MEGF6: variants seen among roughly 807,000 people sequenced by gnomAD.
The protein encoded by MEGF6 is multiple epidermal growth factor-like domains protein 6.
Under a neutral mutation model 207.1 loss-of-function variants are expected in MEGF6, and 184 were observed. That is an observed-to-expected ratio of 0.89 (90% CI 0.79 to 1.00). MEGF6 has a LOEUF of 1.00. Among genes scored for constraint, MEGF6 ranks in the 50% least tolerant of loss-of-function variants. MEGF6 has a pLI of 0.00. For missense variants in MEGF6, 2,282 were observed against 2,202.9 expected (o/e 1.04, Z -0.72); for synonymous variants, 1,038 against 910.0 (o/e 1.14, Z -2.53).
intron 4 of MEGF6, among the ~76,000 whole-genome samples, chr1:3,540,211 C>T (rs1208253184): frequency 2.0e-5 from 3 of 152,224 alleles, no homozygotes; most frequent in East Asian, 3.8e-4. Context: ...TAACTGAGAA[C>T]GTGCCTGCCA....
chr1:3,545,850 G>A (rs1272128059), intron 4 of MEGF6, among the ~76,000 whole-genome samples: 2 of 152,230 alleles, frequency 1.3e-5, no homozygotes, highest in Non-Finnish European at 2.9e-5. Flanking sequence ...AGCACAGGCT[G>A]GAGAGGAGCA....
At chr1:3,538,256 G>T (rs902317204) in intron 4 of MEGF6, among the ~76,000 whole-genome samples, 1 of 152,120 alleles carries the variant, frequency 6.6e-6, no homozygotes, top group Non-Finnish European at 1.5e-5. Context: ...AGAGCAGACC[G>T]GCCTCCCCAG....
chr1:3,557,859 G>A (rs74048612), intron 4 of MEGF6, among the ~76,000 whole-genome samples: 1,740 of 152,334 alleles, frequency 0.011, 27 homozygotes, highest in African/African-American at 0.039. Flanking sequence ...ATGAGGCGCC[G>A]TCCGGGTGGG....
intron 3 of MEGF6, among the ~76,000 whole-genome samples, chr1:3,592,327 C>G (rs890493037): frequency 2.6e-5 from 4 of 152,168 alleles, no homozygotes; most frequent in African/African-American, 9.7e-5. Context: ...CCCCGCTGAC[C>G]CTGACTCACT....
At chr1:3,598,277 G>A (rs1362822225) in intron 2 of MEGF6, among the ~76,000 whole-genome samples, 1 of 152,220 alleles carries the variant, frequency 6.6e-6, no homozygotes, top group Non-Finnish European at 1.5e-5. Flanking sequence ...TGGGCCCTGG[G>A]GACCCTGATC....
chr1:3,598,909 C>A (rs1031013893), intron 2 of MEGF6, among the ~76,000 whole-genome samples: 1 of 152,166 alleles, frequency 6.6e-6, no homozygotes, highest in Admixed American at 6.5e-5. Flanking sequence ...TTCAAAGGGC[C>A]CCCGGCCGGG....
chr1:3,579,852 C>CG lies in MEGF6; in HGVS notation c.453dup (p.Gly152ArgfsTer10). On this transcript the variant is annotated frameshift_variant, in exon 4 of 37. Coordinates refer to ENST00000356575, the MANE Select transcript of MEGF6 (RefSeq NM_001409.4). LOFTEE classifies it high-confidence loss of function. ...TACTGACAGCGGGGTCCCTGGAAGC[C>CG]GGGGGGACAGTGACACGGCTGGGCT... is the stretch of plus-strand genomic sequence containing the variant. 2 of 1,538,508 alleles carry CG rather than the reference C, an allele frequency of 1.3e-6. No individual in the cohort carries two copies. The highest frequency in any genetic ancestry group is 8.7e-7 in the Non-Finnish European group (1 of 1,148,792).
chr1:3,601,797 G>A (rs1211303329), intron 2 of MEGF6, among the ~76,000 whole-genome samples: 1 of 152,252 alleles, frequency 6.6e-6, no homozygotes, highest in African/African-American at 2.4e-5. Context: ...TACAGCAGGT[G>A]CAGGTGTCCC....
chr1:3,502,214 C>T (rs528942875), intron 17 of MEGF6, among the ~76,000 whole-genome samples: 13 of 152,094 alleles, frequency 8.5e-5, no homozygotes, highest in Non-Finnish European at 1.9e-4. Context: ...GGGGAGCTGA[C>T]GGATGGGAGG....
chr1:3,525,798 C>T (rs1230426499), intron 4 of MEGF6, among the ~76,000 whole-genome samples: 4 of 152,234 alleles, frequency 2.6e-5, no homozygotes, highest in South Asian at 2.1e-4. Context: ...AGGAACGCAG[C>T]GGGAAAGCAC....
upstream of MEGF6, among the ~76,000 whole-genome samples, chr1:3,612,813 C>T (rs555161061): frequency 3.9e-5 from 6 of 152,274 alleles, no homozygotes; most frequent in African/African-American, 1.4e-4. Flanking sequence ...CCCCAACACA[C>T]ACAGGCTGTC....
intron 4 of MEGF6, among the ~76,000 whole-genome samples, chr1:3,533,657 G>A (rs1220852143): frequency 6.6e-6 from 1 of 152,174 alleles, no homozygotes; most frequent in African/African-American, 2.4e-5. Flanking sequence ...TCCTCCAGGA[G>A]GTGCACGACC....
At chr1:3,504,298 C>T (rs1455410265) in intron 17 of MEGF6, among the ~76,000 whole-genome samples, 1 of 152,160 alleles carries the variant, frequency 6.6e-6, no homozygotes, top group East Asian at 1.9e-4. Context: ...CTGCCCAGGC[C>T]CTGTTGGCGG....
intron 4 of MEGF6, among the ~76,000 whole-genome samples, chr1:3,527,625 G>A (rs1642010841): frequency 6.6e-6 from 1 of 152,178 alleles, no homozygotes; most frequent in Non-Finnish European, 1.5e-5. Flanking sequence ...GCCCCCAACA[G>A]CGCCCCAAAG....
At chr1:3,538,041 G>A (rs1051718129) in intron 4 of MEGF6, among the ~76,000 whole-genome samples, 2 of 152,168 alleles carry the variant, frequency 1.3e-5, no homozygotes, top group Non-Finnish European at 2.9e-5. Flanking sequence ...CTAGAAGGAG[G>A]CCACTCTCAA....
chr1:3,524,161 G>A lies in MEGF6; in HGVS notation c.567C>T (p.Pro189=), dbSNP rs775268359. Residue 189 remains proline, a synonymous_variant, in exon 5 of 37, where the codon CCC becomes CCT. Transcript: ENST00000356575. ...TPGSYLCECK[P]GFRLHTDSRT... ...TGCTGTCAGTGTGGAGCCGGAAGCC[G>A]GGCTTGCACTCACAGAGGTAGGAGC... The A allele has an allele frequency of 6.2e-6, 10 of 1,612,652 alleles. No individual in the cohort carries two copies. The highest frequency in any genetic ancestry group is 1.7e-4 in the Middle Eastern group (1 of 6,056).
intron 4 of MEGF6, among the ~76,000 whole-genome samples, chr1:3,579,329 C>T (rs1376313391): frequency 1.3e-5 from 2 of 152,252 alleles, no homozygotes; most frequent in African/African-American, 2.4e-5. Context: ...GCATCTCCTT[C>T]GCCACCAGCT....
intron 5 of MEGF6, among the ~76,000 whole-genome samples, chr1:3,517,084 G>A (rs556934560): frequency 1.8e-4 from 28 of 152,364 alleles, no homozygotes; most frequent in African/African-American, 6.3e-4. Flanking sequence ...GGCCTGCGCC[G>A]GCCCCGCCTT....
chr1:3,499,165 C>A lies in MEGF6; in HGVS notation c.3067G>T (p.Gly1023Cys). ...TGCAGGCAGGAGGGCCCCATCCAGC[C>A]AGGGGCACAGTGGCACTGCCCGTGG... ...PVHGQCHCAPGWMGPSCLQAC... is the reference protein window; with the variant it reads ...PVHGQCHCAPCWMGPSCLQAC... The change falls in exon 24 of 37, where the codon GGC (glycine) becomes TGC (cysteine). Residue 1023 changes from glycine to cysteine, a missense_variant. Physicochemically the swap from Gly to Cys is radical, Grantham distance 159. Transcript: ENST00000356575. 6.2e-7 allele frequency: 1 copy of A among 1,604,384 alleles called. No homozygotes were observed. The highest frequency in any genetic ancestry group is 1.1e-5 in the South Asian group (1 of 89,340).
Sources: gnomAD v4.1 joint callset for allele counts (sites outside exome capture counted in the v4.1 genomes callset) on GRCh38, gnomAD v4.1.1 for gene constraint, MANE v1.5 for transcripts, NCBI Gene and HGNC (gene_info 2026-07-23, HGNC 2026-07-21) for gene names.